CSMD1: variants seen among roughly 807,000 people sequenced by gnomAD.
CSMD1 encodes the protein CUB and sushi domain-containing protein 1.
CSMD1 carries 213 observed loss-of-function variants against 417.5 expected under a neutral mutation model. The observed-to-expected ratio is 0.51, with a 90% CI of 0.46 to 0.57. CSMD1 has a LOEUF of 0.57. Ranked by LOEUF, CSMD1 falls within the 20% of genes least tolerant of loss-of-function variation. The pLI, the probability that CSMD1 is intolerant of heterozygous loss-of-function variation, is 0.00. For synonymous variants in CSMD1, 2,862 were observed against 1,736.8 expected, an observed-to-expected ratio of 1.65 and a Z score of -16.11; for missense variants, 6,923 against 4,529.7, an observed-to-expected ratio of 1.53 and a Z score of -15.17.
chr8:4,302,228 C>T (rs1475774124), intron 3 of CSMD1, among the ~76,000 whole-genome samples: 3 of 151,876 alleles, frequency 2.0e-5, no homozygotes, highest in African/African-American at 7.3e-5. Context: ...CAATGAAGGC[C>T]CAAAAGAAAA....
At chr8:3,957,719 G>GAA (rs113733623) in intron 5 of CSMD1, among the ~76,000 whole-genome samples, 3 of 151,022 alleles carry the variant, frequency 2.0e-5, no homozygotes, top group Admixed American at 1.3e-4. Context: ...AAAGAGAAAA[G>GAA]AAAAAGGAAA....
chr8:3,465,666 C>T (rs1816755404), intron 12 of CSMD1, among the ~76,000 whole-genome samples: 1 of 152,166 alleles, frequency 6.6e-6, no homozygotes, highest in Admixed American at 6.5e-5. Context: ...TTCCTGATTT[C>T]TTGTCAAGGT....
At chr8:4,834,984 AGAAAG>A (rs1800385943) in intron 1 of CSMD1, among the ~76,000 whole-genome samples, 3 of 33,318 alleles carry the variant, frequency 9.0e-5, no homozygotes, top group African/African-American at 1.7e-4. Context: ...AAAAAAAGAA[AGAAAG>A]AAAGAAAGAA....
intron 1 of CSMD1, among the ~76,000 whole-genome samples, chr8:4,882,005 C>A (rs1464141831): frequency 3.3e-5 from 5 of 152,010 alleles, no homozygotes; most frequent in African/African-American, 1.2e-4. Context: ...AAATCTCAGC[C>A]CTTCCAACAC....
At chr8:3,926,756 G>A (rs1238058160) in intron 5 of CSMD1, among the ~76,000 whole-genome samples, 1 of 118,564 alleles carries the variant, frequency 8.4e-6, no homozygotes, top group Non-Finnish European at 1.6e-5. Flanking sequence ...CCGCTCTGTA[G>A]CCAGGGTGGA....
intron 12 of CSMD1, among the ~76,000 whole-genome samples, chr8:3,436,054 C>T (rs1814538072): frequency 1.3e-5 from 2 of 152,186 alleles, no homozygotes; most frequent in Non-Finnish European, 2.9e-5. Flanking sequence ...CACCAGCACT[C>T]CCTTCCAGAG....
chr8:3,630,327 G>A (rs1208943305), intron 7 of CSMD1, among the ~76,000 whole-genome samples: 4 of 152,150 alleles, frequency 2.6e-5, no homozygotes, highest in African/African-American at 7.2e-5. Context: ...AGGTAAGAGT[G>A]AATTTAAAAA....
intron 2 of CSMD1, among the ~76,000 whole-genome samples, chr8:4,442,240 C>A (rs1798525102): frequency 6.6e-6 from 1 of 152,130 alleles, no homozygotes; most frequent in African/African-American, 2.4e-5. Context: ...GCAGTGATGG[C>A]TGTTTATTAA....
chr8:3,987,310 G>C (rs1490623403), intron 5 of CSMD1, among the ~76,000 whole-genome samples: 1 of 152,186 alleles, frequency 6.6e-6, no homozygotes, highest in South Asian at 2.1e-4. Context: ...TCACTGAGCA[G>C]TGCTTTCTTT....
At chr8:4,272,385 G>C (rs1259475403) in intron 3 of CSMD1, among the ~76,000 whole-genome samples, 3 of 152,080 alleles carry the variant, frequency 2.0e-5, no homozygotes, top group African/African-American at 4.8e-5. Flanking sequence ...TGAAGTCTCA[G>C]TTTCCAAGAC....
intron 3 of CSMD1, among the ~76,000 whole-genome samples, chr8:4,330,874 T>C (rs981900570): frequency 2.4e-4 from 36 of 152,082 alleles, no homozygotes; most frequent in African/African-American, 7.7e-4. Flanking sequence ...AGCAGGAATG[T>C]CAGTTTCTCT....
chr8:3,115,062 GATTA>G (rs1359023226), intron 42 of CSMD1, among the ~76,000 whole-genome samples: 15 of 152,192 alleles, frequency 9.9e-5, no homozygotes, highest in African/African-American at 2.4e-4. Context: ...AGTGTTAAAT[GATTA>G]ATTAGGTCAG....
intron 1 of CSMD1, among the ~76,000 whole-genome samples, chr8:4,926,160 G>A (rs896801415): frequency 2.0e-5 from 3 of 152,082 alleles, no homozygotes; most frequent in African/African-American, 4.8e-5. Context: ...AAATTGAAAG[G>A]ACAGCCAAGC....
At chr8:3,517,605 A>G (rs1392314058) in intron 10 of CSMD1, among the ~76,000 whole-genome samples, 1 of 152,208 alleles carries the variant, frequency 6.6e-6, no homozygotes, top group Non-Finnish European at 1.5e-5. Flanking sequence ...GGCTGAGGGA[A>G]TAATATTTAC....
At chr8:4,205,967 G>A (rs746974531) in intron 3 of CSMD1, among the ~76,000 whole-genome samples, 12 of 152,106 alleles carry the variant, frequency 7.9e-5, no homozygotes, top group African/African-American at 2.4e-4. Flanking sequence ...TTTTTCACAC[G>A]TTTCCATTCT....
chr8:3,100,850 T>C (rs1815683579), intron 46 of CSMD1, among the ~76,000 whole-genome samples: 2 of 152,234 alleles, frequency 1.3e-5, no homozygotes, highest in Admixed American at 6.5e-5. Flanking sequence ...CCTATAGGTA[T>C]GACAGAATTG....
At chr8:3,929,547 C>T (rs1455318143) in intron 5 of CSMD1, among the ~76,000 whole-genome samples, 2 of 150,364 alleles carry the variant, frequency 1.3e-5, no homozygotes, top group Non-Finnish European at 3.0e-5. Context: ...ACTGGGTTGT[C>T]TGTCTATTCT....
intron 26 of CSMD1, among the ~76,000 whole-genome samples, chr8:3,231,952 G>A (rs1190830741): frequency 2.6e-5 from 4 of 152,202 alleles, no homozygotes; most frequent in Non-Finnish European, 5.9e-5. Context: ...ATTGAGGCAA[G>A]AAGCTGTCTT....
intron 26 of CSMD1, among the ~76,000 whole-genome samples, chr8:3,269,048 C>T (rs555161116): frequency 1.4e-4 from 21 of 152,176 alleles, no homozygotes; most frequent in Non-Finnish European, 2.6e-4. Flanking sequence ...ATCAATCTCG[C>T]TAATGTTAGA....
Sources: allele counts gnomAD v4.1 joint callset (sites outside exome capture counted in the v4.1 genomes callset), GRCh38; gene constraint gnomAD v4.1.1; transcripts MANE v1.5; gene names NCBI Gene and HGNC (gene_info 2026-07-23, HGNC 2026-07-21).